Variants in DNAH6 observed in about 807,000 individuals in gnomAD.
DNAH6 encodes the protein axonemal beta dynein heavy chain 6.
DNAH6 carries 340 observed loss-of-function variants against 491.4 expected under a neutral mutation model. That is an observed-to-expected ratio of 0.69 (90% confidence interval 0.63 to 0.76). The LOEUF (loss-of-function observed/expected upper bound fraction) is 0.76, where lower values mean the gene tolerates loss of function less well. Among genes scored for constraint, DNAH6 ranks in the 30% least tolerant of loss-of-function variants. The probability of loss-of-function intolerance (pLI) is 0.00; values close to 1 mark genes in which losing one functional copy is unlikely to be tolerated. For synonymous variants in DNAH6, 1,603 were observed against 1,686.1 expected (o/e 0.95, Z 1.21); for missense variants, 4,443 against 4,972.2 (o/e 0.89, Z 3.20).
intron 48 of DNAH6, 143 bp from the exon 49 acceptor site, chr2:84,700,954 C>A: frequency 1.1e-6 from 1 of 936,724 alleles, no homozygotes; most frequent in Non-Finnish European, 1.6e-6. Flanking sequence ...GTTCATTAAG[C>A]ACCATAGACA....
chr2:84,524,498 A>C, intron 2 of DNAH6, among the ~76,000 whole-genome samples: 1 of 151,818 alleles, frequency 6.6e-6, no homozygotes, highest in East Asian at 1.9e-4. Flanking sequence ...TGTTTATTAC[A>C]CTGGCTTGTT....
chr2:84,709,291 C>T (rs1447452947), intron 54 of DNAH6, 52 bp from the exon 55 acceptor site: 34 of 1,536,300 alleles, frequency 2.2e-5, no homozygotes, highest in Middle Eastern at 1.7e-4. Context: ...CATGTGCCCT[C>T]GTTTACTGAG....
intron 63 of DNAH6, among the ~76,000 whole-genome samples, chr2:84,748,258 A>T (rs899675440): frequency 6.6e-6 from 1 of 152,148 alleles, no homozygotes; most frequent in African/African-American, 2.4e-5. Context: ...AAATTTTCCA[A>T]ATTTTTACCC....
rs1449788755 is a variant in DNAH6, at chr2:84,517,847, T to C, written c.21T>C (p.Asp7=). ...TAAGGATGACTTTTCGGGCCACAGA[T>C]AGTGAATTTGACCTGACAAATATTG... MTFRAT[D]SEFDLTNIEE... Residue 7 remains aspartate, a synonymous_variant, in exon 2 of 77, where the codon GAT becomes GAC. Coordinates refer to ENST00000389394, the MANE Select transcript of DNAH6 (RefSeq NM_001370.2). 5.2e-6 allele frequency: 8 copies of C among 1,551,390 alleles called. No homozygotes were observed. The highest frequency in any genetic ancestry group is 7.0e-6 in the Non-Finnish European group (8 of 1,146,954).
At chr2:84,676,984 A>G (rs114725518) in intron 40 of DNAH6, 21 bp from the exon 41 acceptor site, 34 of 1,551,546 alleles carry the variant, frequency 2.2e-5, no homozygotes, top group African/African-American at 5.5e-5. Flanking sequence ...GAGTGATCCA[A>G]GTGGATTTCT....
the DNAH6 span, among the ~76,000 whole-genome samples, chr2:84,506,914 C>A: frequency 6.6e-6 from 1 of 152,028 alleles, no homozygotes; most frequent in Admixed American, 6.6e-5. Flanking sequence ...CTGTTCTGTT[C>A]CATTGGTCTA....
intron 15 of DNAH6, 96 bp downstream of exon 15, chr2:84,584,346 A>G: frequency 1.6e-6 from 2 of 1,225,528 alleles, no homozygotes; most frequent in East Asian, 2.6e-5. Context: ...AATTGTATAT[A>G]TTTACAATAT....
At chr2:84,533,718 T>G (rs17025192) in intron 4 of DNAH6, among the ~76,000 whole-genome samples, 3,592 of 152,260 alleles carry the variant, frequency 0.024, 55 homozygotes, top group Middle Eastern at 0.092. Flanking sequence ...AGAATTTGTT[T>G]ACTTCCATTT....
At chr2:84,576,895 A>G (rs1369608730) in intron 12 of DNAH6, among the ~76,000 whole-genome samples, 1 of 152,186 alleles carries the variant, frequency 6.6e-6, no homozygotes, top group Non-Finnish European at 1.5e-5. Flanking sequence ...TTACTTTGAG[A>G]CACCATGTGG....
chr2:84,693,424 C>G (rs1192482300), intron 45 of DNAH6, among the ~76,000 whole-genome samples: 1 of 152,052 alleles, frequency 6.6e-6, no homozygotes, highest in Non-Finnish European at 1.5e-5. Context: ...TGCTCTCTCT[C>G]TAGTATCATC....
chr2:84,764,300 A>G (rs1422790917), intron 64 of DNAH6, among the ~76,000 whole-genome samples: 1 of 152,158 alleles, frequency 6.6e-6, no homozygotes, highest in Non-Finnish European at 1.5e-5. Context: ...AAAGAAAACA[A>G]CCCAAAAGGA....
chr2:84,463,037 G>A, the DNAH6 span, among the ~76,000 whole-genome samples: 1 of 152,172 alleles, frequency 6.6e-6, no homozygotes, highest in Non-Finnish European at 1.5e-5. Flanking sequence ...CAGCCAAAGA[G>A]TACCTAACTC....
chr2:84,713,907 G>C (rs1171103071), intron 57 of DNAH6, among the ~76,000 whole-genome samples: 2 of 152,150 alleles, frequency 1.3e-5, no homozygotes, highest in Admixed American at 6.5e-5. Context: ...GAGTGGAGCT[G>C]TGTGAGCTCC....
chr2:84,643,907 TG>T (rs1689649269), intron 33 of DNAH6, among the ~76,000 whole-genome samples: 1 of 152,092 alleles, frequency 6.6e-6, no homozygotes, highest in African/African-American at 2.4e-5. Context: ...TGTTTTTTTT[TG>T]TTTTATTTTG....
intron 61 of DNAH6, among the ~76,000 whole-genome samples, chr2:84,729,770 T>G (rs1324384192): frequency 1.3e-5 from 2 of 152,200 alleles, no homozygotes; most frequent in African/African-American, 4.8e-5. Flanking sequence ...GACTAATAAT[T>G]TTTTTAGAAA....
At chr2:84,674,518 G>T (rs1693043911) in intron 40 of DNAH6, among the ~76,000 whole-genome samples, 1 of 152,182 alleles carries the variant, frequency 6.6e-6, no homozygotes, top group Non-Finnish European at 1.5e-5. Flanking sequence ...GAAAACTGAT[G>T]GGGTCACAGG....
At chr2:84,719,429 C>T (rs546858758) in intron 59 of DNAH6, among the ~76,000 whole-genome samples, 75 of 152,212 alleles carry the variant, frequency 4.9e-4, no homozygotes, top group South Asian at 1.5e-3. Flanking sequence ...AATAGCATTC[C>T]GTGCCTTCTC....
intron 26 of DNAH6, among the ~76,000 whole-genome samples, chr2:84,623,545 A>G (rs1240933158): frequency 6.6e-6 from 1 of 152,156 alleles, no homozygotes; most frequent in African/African-American, 2.4e-5. Flanking sequence ...AACTTTATTG[A>G]AGTAAGAGAA....
intron 2 of DNAH6, among the ~76,000 whole-genome samples, chr2:84,518,842 A>C (rs918122661): frequency 2.0e-5 from 3 of 152,228 alleles, no homozygotes; most frequent in Non-Finnish European, 4.4e-5. Flanking sequence ...ACATTCTAGT[A>C]ATTCTAAATA....
Sources: gnomAD v4.1 joint callset for allele counts (sites outside exome capture counted in the v4.1 genomes callset) on GRCh38, gnomAD v4.1.1 for gene constraint, MANE v1.5 for transcripts, NCBI Gene and HGNC (gene_info 2026-07-23, HGNC 2026-07-21) for gene names.